CPPED1: variants seen among roughly 807,000 people sequenced by gnomAD.
CPPED1 encodes the protein serine/threonine-protein phosphatase CPPED1.
Under a neutral mutation model 28.0 loss-of-function variants are expected in CPPED1, and 28 were observed. The observed-to-expected ratio is 1.00, with a 90% confidence interval of 0.74 to 1.37. CPPED1 has a LOEUF of 1.37. Among genes scored for constraint, CPPED1 ranks in the 40% most tolerant of loss-of-function variants. The pLI, the probability that CPPED1 is intolerant of heterozygous loss-of-function variation, is 0.00. For missense variants in CPPED1, 504 were observed against 416.5 expected, an observed-to-expected ratio of 1.21 and a Z score of -1.83; for synonymous variants, 198 against 180.2, an observed-to-expected ratio of 1.10 and a Z score of -0.79.
intron 3 of CPPED1, among the ~76,000 whole-genome samples, chr16:12,676,875 A>G (rs2079880430): frequency 6.6e-6 from 1 of 152,186 alleles, no homozygotes; most frequent in Non-Finnish European, 1.5e-5. Flanking sequence ...TGAAGGAGGC[A>G]TGGTTATTAC....
chr16:12,797,475 A>G (rs2080634505), intron 1 of CPPED1, among the ~76,000 whole-genome samples: 1 of 151,576 alleles, frequency 6.6e-6, no homozygotes, highest in Non-Finnish European at 1.5e-5. Flanking sequence ...GCATGGCTTG[A>G]GCCCAGGAGG....
chr16:12,727,542 G>A lies in CPPED1; in HGVS notation c.290-22493C>T, dbSNP rs149465914. ...TAATTGTTAAAAGTTTTGTAGAGAT[G>A]GGGTCTATGTTGCTCAGGTTGGTCT... On this transcript the variant is annotated intron_variant, in intron 2 of 3. Coordinates refer to ENST00000381774, the MANE Select transcript of CPPED1 (RefSeq NM_018340.3). 2.9e-3 allele frequency among the ~76,000 whole-genome samples: 435 copies of A among 152,184 alleles called. 2 individuals are homozygous for A. Among genetic ancestry groups the A allele is most frequent in the African/African-American group, 1.0e-2 (414 of 41,524 alleles).
intron 2 of CPPED1, among the ~76,000 whole-genome samples, chr16:12,744,227 T>C (rs1236407208): frequency 1.3e-5 from 2 of 149,884 alleles, no homozygotes; most frequent in Non-Finnish European, 1.5e-5. Context: ...AGTGAGATTG[T>C]GCCACTGCAC....
At position 12,781,177 on chromosome 16, in the gene CPPED1, A is replaced by G. The variant is rs1167263245; in HGVS notation, c.289+8T>C. ...AGAAAAGGTCACAAGCGATGACCCGAGTCTTACCTGGCATGGCGTGGATGA... is the reference window on the plus strand; with the variant it reads ...AGAAAAGGTCACAAGCGATGACCCGGGTCTTACCTGGCATGGCGTGGATGA... On this transcript the variant is annotated splice_region_variant and intron_variant, in intron 2 of 3. Transcript: ENST00000381774. The G allele has an allele frequency of 2.5e-6, 4 of 1,609,890 alleles. No individual in the cohort carries two copies. The African/African-American group carries it at 4.0e-5, about 16-fold the overall frequency.
At chr16:12,676,796 T>C (rs988595707) in intron 3 of CPPED1, among the ~76,000 whole-genome samples, 5 of 152,214 alleles carry the variant, frequency 3.3e-5, no homozygotes, top group Non-Finnish European at 7.3e-5. Flanking sequence ...GGAGTGTTCA[T>C]TATCTGTCTA....
chr16:12,743,855 A>G (rs1047567182), intron 2 of CPPED1, among the ~76,000 whole-genome samples: 4 of 151,972 alleles, frequency 2.6e-5, no homozygotes, highest in Non-Finnish European at 2.9e-5. Flanking sequence ...AAATACAAAC[A>G]TTACCCAGGA....
In CPPED1 at chr16:12,664,527, A is replaced by G; in HGVS notation, c.*359T>C. The G allele has an allele frequency of 9.3e-7, 1 of 1,072,810 alleles. No individual in the cohort carries two copies. The allele number at this position is 1,072,810 out of a possible 1,614,324, so 66.5% of individuals were successfully genotyped here. On this transcript the variant is annotated 3_prime_UTR_variant, in exon 4 of 4. Coordinates refer to ENST00000381774, the MANE Select transcript of CPPED1 (RefSeq NM_018340.3). This position sits in a 1 kb window ranked among gnomAD's most constrained non-coding sequence, Gnocchi z 4.2. ...ATCAAAGATCATACTTGGCTGTCAG[A>G]TTGGAATTGAGGTCGATAGGCAGAC... is the stretch of plus-strand genomic sequence containing the variant.
intron 2 of CPPED1, among the ~76,000 whole-genome samples, chr16:12,777,477 T>C (rs917739823): frequency 6.6e-6 from 1 of 152,142 alleles, no homozygotes; most frequent in Non-Finnish European, 1.5e-5. Context: ...AATCAATGGG[T>C]CTCAGTATTT....
chr16:12,710,808 G>T (rs1304513467), intron 2 of CPPED1, among the ~76,000 whole-genome samples: 2 of 152,178 alleles, frequency 1.3e-5, no homozygotes, highest in Non-Finnish European at 2.9e-5. Flanking sequence ...TACCCATGAG[G>T]ATAGCTACTA....
Position 12,682,040 on chromosome 16 carries a change from T to C in CPPED1, c.716-16925A>G, listed in dbSNP as rs755215. Among the ~76,000 whole-genome samples, 110,557 of 151,876 alleles carry C rather than the reference T, an allele frequency of 0.73. 45,387 individuals carry two copies. The highest frequency in any genetic ancestry group is 0.92 in the Non-Finnish European group (62,569 of 67,972). On this transcript the variant is annotated intron_variant, in intron 3 of 3. Transcript: ENST00000381774. This position sits in a 1 kb window ranked among gnomAD's most constrained non-coding sequence, Gnocchi z 6.1. ...TCCAACCCCCAGACTCACTGCCGTT[T>C]ATTACTTTTTTGAGACAGTGTCTCT...
At chr16:12,752,814 C>T (rs919257155) in intron 2 of CPPED1, among the ~76,000 whole-genome samples, 1 of 147,928 alleles carries the variant, frequency 6.8e-6, no homozygotes, top group Admixed American at 6.8e-5. Flanking sequence ...TCTGGCAAGA[C>T]ATTACATAAC....
chr16:12,701,978 TC>T (rs1408937447), intron 3 of CPPED1, among the ~76,000 whole-genome samples: 1 of 152,140 alleles, frequency 6.6e-6, no homozygotes, highest in African/African-American at 2.4e-5. Flanking sequence ...TAATTGGGCT[TC>T]CCATGTAGCT....
intron 3 of CPPED1, among the ~76,000 whole-genome samples, chr16:12,685,930 C>T (rs1323225158): frequency 1.3e-5 from 2 of 152,184 alleles, no homozygotes; most frequent in African/African-American, 4.8e-5. Context: ...TGCAGAATTG[C>T]ATCAGCCAGC....
At chr16:12,669,247 T>C (rs958688673) in intron 3 of CPPED1, among the ~76,000 whole-genome samples, 2 of 152,186 alleles carry the variant, frequency 1.3e-5, no homozygotes, top group African/African-American at 2.4e-5. Flanking sequence ...CCATCTTGTA[T>C]GCTTCCATTT....
Position 12,759,661 on chromosome 16 carries a change from G to GT in CPPED1, c.289+21523dup, listed in dbSNP as rs1380535067. Among the ~76,000 whole-genome samples the GT allele has an allele frequency of 9.8e-5, 15 of 152,346 alleles. 1 individual carries two copies. In the South Asian group the frequency reaches 3.1e-3, roughly 32 times the overall value. On this transcript the variant is annotated intron_variant, in intron 2 of 3. Coordinates refer to ENST00000381774, the MANE Select transcript of CPPED1 (RefSeq NM_018340.3). Reference sequence around the variant, plus strand: ...TTGGATCATGGGGTCGGGGGGTGGTGTGGTTACCCCATGCTGTTCTCATGA... The same window carrying GT: ...TTGGATCATGGGGTCGGGGGGTGGTGTTGGTTACCCCATGCTGTTCTCATGA...
rs375987111 is a variant in CPPED1, at chr16:12,727,618, G to A, written c.290-22569C>T. Among the ~76,000 whole-genome samples, 547 of 152,202 alleles carry A rather than the reference G, an allele frequency of 3.6e-3. 6 individuals carry two copies. Among genetic ancestry groups the A allele is most frequent in the African/African-American group, 0.013 (532 of 41,524 alleles). ...CACACTTTGGCCTCCCAAAGTGTAG[G>A]GATTACAGGCATGAACCACCATGCC... is the stretch of plus-strand genomic sequence containing the variant. On this transcript the variant is annotated intron_variant, in intron 2 of 3. Coordinates refer to ENST00000381774, the MANE Select transcript of CPPED1 (RefSeq NM_018340.3).
chr16:12,781,556 T>C (rs1389508715), intron 1 of CPPED1, among the ~76,000 whole-genome samples, 153 bp from the exon 2 acceptor site: 1 of 152,168 alleles, frequency 6.6e-6, no homozygotes, highest in Non-Finnish European at 1.5e-5. Context: ...TTTCCTGTCA[T>C]AGTCTAGAGG....
At chr16:12,680,456 A>T (rs559380205) in intron 3 of CPPED1, among the ~76,000 whole-genome samples, 2 of 152,282 alleles carry the variant, frequency 1.3e-5, no homozygotes, top group East Asian at 3.9e-4. Flanking sequence ...AATAATAAAA[A>T]TACTGTAAAC....
In CPPED1 at chr16:12,660,013, A is replaced by G. The variant is rs1304388260; in HGVS notation, c.*4873T>C. On this transcript the variant is annotated 3_prime_UTR_variant, in exon 4 of 4. Coordinates refer to ENST00000381774, the MANE Select transcript of CPPED1 (RefSeq NM_018340.3). The stretch of plus-strand genomic sequence containing the variant: ...TGGGAGAAACTGCCTCCATGATCCA[A>G]TTACCTCCCACCAGGTCCGTCCCTT... The G allele has an allele frequency of 6.6e-6, 1 of 152,200 alleles. No individual in the cohort carries two copies. The highest frequency in any genetic ancestry group is 1.9e-4 in the East Asian group (1 of 5,182). The allele number at this position is 152,200 out of a possible 1,614,324, so 9.4% of individuals were successfully genotyped here.
Sources: allele counts gnomAD v4.1 joint callset (sites outside exome capture counted in the v4.1 genomes callset), GRCh38; gene constraint gnomAD v4.1.1; non-coding constraint Gnocchi (gnomAD v3.1); transcripts MANE v1.5; gene names NCBI Gene and HGNC (gene_info 2026-07-23, HGNC 2026-07-21).